The following LNPEP variants were observed in gnomAD, a reference collection of about 807,000 sequenced individuals.
LNPEP encodes the protein leucyl and cystinyl aminopeptidase.
LNPEP carries 64 observed loss-of-function variants against 120.6 expected under a neutral mutation model. The ratio of observed to expected loss-of-function variants is 0.53; its 90% confidence interval spans 0.43 to 0.65. The LOEUF (loss-of-function observed/expected upper bound fraction) is 0.65, where lower values mean the gene tolerates loss of function less well. LNPEP is among the 30% of genes least tolerant of loss of function. The probability of loss-of-function intolerance (pLI) is 0.00; values close to 1 mark genes in which losing one functional copy is unlikely to be tolerated. For missense variants in LNPEP, 1,057 were observed against 1,200.0 expected, an observed-to-expected ratio of 0.88 and a Z score of 1.76; for synonymous variants, 435 against 425.4, an observed-to-expected ratio of 1.02 and a Z score of -0.28.
In LNPEP at chr5:97,006,212, A is replaced by C. The variant is rs759889870; in HGVS notation, c.1925A>C (p.Glu642Ala). 21 of 1,604,464 alleles carry C rather than the reference A, an allele frequency of 1.3e-5. No homozygotes were observed. In the South Asian group the frequency reaches 2.1e-4, roughly 16 times the overall value. Residue 642 changes from glutamate to alanine, a missense_variant, in exon 10 of 18, where the codon GAA becomes GCA. By Grantham distance (107) the Glu-to-Ala change is moderately radical (BLOSUM62 -1). Coordinates refer to ENST00000231368, the MANE Select transcript of LNPEP (RefSeq NM_005575.3). ...AGATTCTTTTTAAATATGAAGCCTG[A>C]AATTCAGCCTTCAGATACAAGGTAC... is the stretch of plus-strand genomic sequence containing the variant. Reference protein sequence around the residue: ...QERFFLNMKPEIQPSDTSYLW... With the variant: ...QERFFLNMKPAIQPSDTSYLW...
intron 1 of LNPEP, among the ~76,000 whole-genome samples, chr5:96,965,976 C>T (rs1561434206): frequency 1.3e-5 from 2 of 152,014 alleles, no homozygotes; most frequent in Non-Finnish European, 2.9e-5. Context: ...GTTTTTGTTT[C>T]TGTTTGCAAT....
intron 7 of LNPEP, 41 bp downstream of exon 7, chr5:96,996,544 G>GGAAAAAT (rs778031123): frequency 1.2e-4 from 113 of 968,808 alleles, no homozygotes; most frequent in Non-Finnish European, 1.8e-4. Flanking sequence ...AATGCTAGGA[G>GGAAAAAT]GAAAAATAGT....
intron 13 of LNPEP, among the ~76,000 whole-genome samples, chr5:97,020,075 C>T (rs999868766): frequency 1.3e-5 from 2 of 152,172 alleles, no homozygotes; most frequent in African/African-American, 2.4e-5. Flanking sequence ...CAAACACAAG[C>T]GAGTTGACAT....
At chr5:96,991,087 G>A (rs1790379412) in intron 4 of LNPEP, among the ~76,000 whole-genome samples, 1 of 152,126 alleles carries the variant, frequency 6.6e-6, no homozygotes, top group Admixed American at 6.5e-5. Context: ...TGTTCCCAAA[G>A]TCCATTGTAT....
At chr5:97,028,048 TTAAG>T (rs1582039283) in intron 17 of LNPEP, among the ~76,000 whole-genome samples, 1 of 152,318 alleles carries the variant, frequency 6.6e-6, no homozygotes, top group East Asian at 1.9e-4. Context: ...TACAAATAAT[TTAAG>T]TGGTCATAAA....
intron 6 of LNPEP, among the ~76,000 whole-genome samples, chr5:96,994,189 C>T (rs567258583): frequency 6.6e-6 from 1 of 152,192 alleles, no homozygotes; most frequent in East Asian, 1.9e-4. Context: ...TGTCTTACTT[C>T]GCAACTTCTC....
At chr5:96,994,122 TTTCAAA>T in intron 6 of LNPEP, 151 bp downstream of exon 6, 1 of 670,158 alleles carries the variant, frequency 1.5e-6, no homozygotes, top group Non-Finnish European at 2.4e-6. Context: ...CAAACTTCAT[TTTCAAA>T]TGAAAATGCT....
intron 1 of LNPEP, among the ~76,000 whole-genome samples, chr5:96,937,950 A>G (rs1487329584): frequency 6.6e-6 from 1 of 151,566 alleles, no homozygotes; most frequent in Admixed American, 6.6e-5. Flanking sequence ...TTCAGAGTTG[A>G]TGCTGGAGAC....
At chr5:96,987,051 A>G (rs928051474) in intron 4 of LNPEP, among the ~76,000 whole-genome samples, 2 of 152,224 alleles carry the variant, frequency 1.3e-5, no homozygotes, top group African/African-American at 4.8e-5. Context: ...TCAAGTGTTC[A>G]GCAGTGTTCA....
chr5:96,982,626 A>G (rs1408151854), intron 2 of LNPEP, among the ~76,000 whole-genome samples: 1 of 152,302 alleles, frequency 6.6e-6, no homozygotes, highest in Admixed American at 6.5e-5. Flanking sequence ...CTCTTCCAAA[A>G]TCTTCTGTTA....
At chr5:96,959,038 A>T (rs1789537064) in intron 1 of LNPEP, among the ~76,000 whole-genome samples, 1 of 151,838 alleles carries the variant, frequency 6.6e-6, no homozygotes, top group African/African-American at 2.4e-5. Context: ...GTTGGCCAGG[A>T]TGGTCTTGAT....
At chr5:96,968,539 A>G (rs932539232) in intron 1 of LNPEP, among the ~76,000 whole-genome samples, 1 of 152,030 alleles carries the variant, frequency 6.6e-6, no homozygotes, top group African/African-American at 2.4e-5. Flanking sequence ...AGTTCTTATA[A>G]CCTTTTTGTC....
At chr5:96,964,381 A>G (rs1051785843) in intron 1 of LNPEP, among the ~76,000 whole-genome samples, 4 of 151,844 alleles carry the variant, frequency 2.6e-5, no homozygotes, top group Admixed American at 2.6e-4. Flanking sequence ...AATACCCAAC[A>G]TACCGACAAC....
At chr5:96,978,525 C>T (rs910238742) in intron 1 of LNPEP, among the ~76,000 whole-genome samples, 10 of 152,160 alleles carry the variant, frequency 6.6e-5, no homozygotes, top group Non-Finnish European at 1.0e-4. Context: ...ATTCCTCTTT[C>T]AGGGGAAAAC....
intron 1 of LNPEP, among the ~76,000 whole-genome samples, chr5:96,966,803 C>T (rs1012012138): frequency 2.0e-5 from 3 of 152,000 alleles, no homozygotes; most frequent in Admixed American, 6.6e-5. Flanking sequence ...AGACAATAAA[C>T]GTGTCTTTAA....
chr5:96,980,829 A>G (rs541768442), intron 2 of LNPEP, among the ~76,000 whole-genome samples: 15 of 152,378 alleles, frequency 9.8e-5, no homozygotes, highest in African/African-American at 3.6e-4. Flanking sequence ...AGAAATAGTT[A>G]GAAATGAGTA....
intron 1 of LNPEP, among the ~76,000 whole-genome samples, chr5:96,954,271 A>G (rs1185233860): frequency 6.6e-6 from 1 of 152,226 alleles, no homozygotes; most frequent in Non-Finnish European, 1.5e-5. Flanking sequence ...CCTGAGCTAG[A>G]ATTCTATTAA....
chr5:96,964,636 T>A (rs1037448092), intron 1 of LNPEP, among the ~76,000 whole-genome samples: 2 of 152,152 alleles, frequency 1.3e-5, no homozygotes, highest in Non-Finnish European at 2.9e-5. Context: ...CATTCTTATA[T>A]GTATATCTCT....
chr5:96,964,417 A>T (rs1011829669), intron 1 of LNPEP, among the ~76,000 whole-genome samples: 2 of 151,912 alleles, frequency 1.3e-5, no homozygotes, highest in Non-Finnish European at 2.9e-5. Flanking sequence ...TGACCAGTTA[A>T]CCTTCTTATT....
Sources: allele counts gnomAD v4.1 joint callset (sites outside exome capture counted in the v4.1 genomes callset), GRCh38; gene constraint gnomAD v4.1.1; transcripts MANE v1.5; gene names NCBI Gene and HGNC (gene_info 2026-07-23, HGNC 2026-07-21).